The following GPR139 variants were observed in gnomAD, a reference collection of about 807,000 sequenced individuals.
GPR139 encodes the protein G protein-coupled receptor 139, also known as probable G protein-coupled receptor 139.
GPR139 carries 12 observed loss-of-function variants against 25.8 expected under a neutral mutation model. The ratio of observed to expected loss-of-function variants is 0.47; its 90% confidence interval spans 0.30 to 0.75. GPR139 has a LOEUF of 0.75. GPR139 is among the 30% of genes least tolerant of loss of function. The pLI is 0.07. For synonymous variants in GPR139, 184 were observed against 179.9 expected, an observed-to-expected ratio of 1.02 and a Z score of -0.18; for missense variants, 380 against 450.2, an observed-to-expected ratio of 0.84 and a Z score of 1.41.
At chr16:20,060,471 C>CTG (rs1453720613) in intron 1 of GPR139, among the ~76,000 whole-genome samples, 1 of 151,500 alleles carries the variant, frequency 6.6e-6, no homozygotes, top group South Asian at 2.1e-4. Context: ...GTATGCACGC[C>CTG]TGTGTGTGTG....
intron 1 of GPR139, among the ~76,000 whole-genome samples, chr16:20,049,145 C>T (rs542550062): frequency 6.6e-6 from 1 of 152,172 alleles, no homozygotes; most frequent in Non-Finnish European, 1.5e-5. Context: ...TACTCTAAAC[C>T]TTGAGGACTT....
Position 20,031,863 on chromosome 16 carries a change from G to C in GPR139, c.934C>G (p.Gln312Glu). The change falls in exon 2 of 2, where the codon CAG becomes GAG. Residue 312 changes from glutamine to glutamate, a missense_variant. Coordinates refer to ENST00000570682, the MANE Select transcript of GPR139 (RefSeq NM_001002911.4). ...AFFKCQKQPVQFYTNHNFSIT... is the reference protein window; with the variant it reads ...AFFKCQKQPVEFYTNHNFSIT... ...GAAAAGTTATGATTGGTGTAGAACT[G>C]TACAGGTTGCTTCTGGCACTTGAAG... 7 of 1,614,116 alleles carry C rather than the reference G, an allele frequency of 4.3e-6. No homozygotes were observed. The highest frequency in any genetic ancestry group is 5.1e-6 in the Non-Finnish European group (6 of 1,180,006).
chr16:20,073,423 G>A lies in GPR139; in HGVS notation c.127+67C>T. ...AGGGAACGCACGGGGGAGGACGGGG[G>A]ATTCTGGGTAGGGTTGCCCGGCACT... On this transcript the variant is annotated intron_variant, in intron 1 of 1. Transcript: ENST00000570682. The surrounding 1 kb of genome is among the most constrained non-coding windows in gnomAD (Gnocchi z 4.7). 1 of 1,575,078 alleles carries A rather than the reference G, an allele frequency of 6.3e-7. No individual in the cohort carries two copies. The highest frequency in any genetic ancestry group is 8.6e-7 in the Non-Finnish European group (1 of 1,160,446).
chr16:20,051,203 T>A (rs1230913839), intron 1 of GPR139, among the ~76,000 whole-genome samples: 2 of 152,132 alleles, frequency 1.3e-5, no homozygotes, highest in East Asian at 3.9e-4. Context: ...AGTGAAACTC[T>A]CAAATAGGGA....
intron 1 of GPR139, among the ~76,000 whole-genome samples, chr16:20,060,746 A>T (rs1381535415): frequency 6.6e-6 from 1 of 152,064 alleles, no homozygotes; most frequent in Non-Finnish European, 1.5e-5. Context: ...ATCTGGCACC[A>T]TGCATCCCCC....
intron 1 of GPR139, among the ~76,000 whole-genome samples, chr16:20,060,893 C>T (rs1462804867): frequency 6.6e-6 from 1 of 152,152 alleles, no homozygotes; most frequent in East Asian, 1.9e-4. Context: ...CTTCCATGTC[C>T]TTCAGATTTC....
At chr16:20,047,120 G>GT (rs1413594419) in intron 1 of GPR139, among the ~76,000 whole-genome samples, 16 of 127,190 alleles carry the variant, frequency 1.3e-4, no homozygotes, top group South Asian at 5.2e-4. Flanking sequence ...TTTTTTTTTT[G>GT]TTTTTTTTGA....
rs200598879 is a variant in GPR139, at chr16:20,032,077, A to C, written c.720T>G (p.Leu240=). Residue 240 remains leucine (L), a synonymous_variant, in exon 2 of 2, where the codon CTT becomes CTG. Transcript: ENST00000570682. Reference sequence around the variant, plus strand: ...GAATCATGATGATGCGGGGGGCCCAAAGTGTGGCAAAGATGGAGGTAATGG... The same window carrying C: ...GAATCATGATGATGCGGGGGGCCCACAGTGTGGCAAAGATGGAGGTAATGG... The part of the protein sequence containing the change: ...LFTITSIFAT[L]WAPRIIMILY... 1 of 1,614,060 alleles carries C rather than the reference A, an allele frequency of 6.2e-7. No individual in the cohort carries two copies. Among genetic ancestry groups the C allele is most frequent in the African/African-American group, 1.3e-5 (1 of 74,920 alleles).
chr16:20,050,638 G>A (rs2057368602), intron 1 of GPR139, among the ~76,000 whole-genome samples: 1 of 152,178 alleles, frequency 6.6e-6, no homozygotes, highest in Non-Finnish European at 1.5e-5. Context: ...GGGAGGCCTG[G>A]CTGGAGACAA....
intron 1 of GPR139, among the ~76,000 whole-genome samples, chr16:20,048,591 A>G (rs1035358687): frequency 1.3e-5 from 2 of 152,230 alleles, no homozygotes; most frequent in Non-Finnish European, 2.9e-5. Flanking sequence ...TGAGCAGGAT[A>G]TCGCATGCCC....
rs1325762073 is a variant in GPR139 at position 20,073,696 on chromosome 16, G to A, written c.-80C>T. On this transcript the variant is annotated 5_prime_UTR_variant, in exon 1 of 2. Coordinates refer to ENST00000570682, the MANE Select transcript of GPR139 (RefSeq NM_001002911.4). The surrounding 1 kb of genome is among the most constrained non-coding windows in gnomAD (Gnocchi z 4.7). ...TGGTCGCCGGCTCGGTGGTGGCGGC[G>A]GCGGAGGCAGCGGCAGCTGGAGCAG... 6.8e-7 allele frequency: 1 copy of A among 1,464,516 alleles called. No homozygotes were observed. Among genetic ancestry groups the A allele is most frequent in the Non-Finnish European group, 9.0e-7 (1 of 1,108,830 alleles). The allele number at this position is 1,464,516 out of a possible 1,614,324, so 90.7% of individuals were successfully genotyped here.
chr16:20,057,483 G>A (rs936984410), intron 1 of GPR139, among the ~76,000 whole-genome samples: 4 of 151,962 alleles, frequency 2.6e-5, no homozygotes, highest in Non-Finnish European at 4.4e-5. Flanking sequence ...ATGGGATTAA[G>A]AAGGTAGTCA....
At position 20,073,290 on chromosome 16, in the gene GPR139, G is replaced by A. The variant is rs75191200; in HGVS notation, c.127+200C>T. Among the ~76,000 whole-genome samples the A allele has an allele frequency of 2.0e-5, 3 of 149,944 alleles. No homozygotes were observed. The highest frequency in any genetic ancestry group is 4.4e-5 in the Non-Finnish European group (3 of 67,424). ...CACACACACACACACGCTCGCGCGCGCACACACACACACACGGTCCCCAGC... is the reference window on the plus strand; with the variant it reads ...CACACACACACACACGCTCGCGCGCACACACACACACACACGGTCCCCAGC... On this transcript the variant is annotated intron_variant, in intron 1 of 1. Transcript: ENST00000570682. This position sits in a 1 kb window ranked among gnomAD's most constrained non-coding sequence, Gnocchi z 4.7.
At position 20,058,635 on chromosome 16, in the gene GPR139, C is replaced by T. The variant is rs146207995; in HGVS notation, c.127+14855G>A. ...GGAATCTCCACCTTGGACTTGGGGT[C>T]ATTATTCCCTTTTCCCTGCTAGACA... On this transcript the variant is annotated intron_variant, in intron 1 of 1. Coordinates refer to ENST00000570682, the MANE Select transcript of GPR139 (RefSeq NM_001002911.4). 1.2e-3 allele frequency among the ~76,000 whole-genome samples: 184 copies of T among 152,296 alleles called. 1 individual carries two copies. The highest frequency in any genetic ancestry group is 4.1e-3 in the African/African-American group (172 of 41,576).
chr16:20,064,937 A>C (rs2057426032), intron 1 of GPR139, among the ~76,000 whole-genome samples: 3 of 152,188 alleles, frequency 2.0e-5, no homozygotes, highest in African/African-American at 7.2e-5. Flanking sequence ...GGAGCTCTTT[A>C]TTCCAGCTTA....
chr16:20,032,082 T>C lies in GPR139; in HGVS notation c.715A>G (p.Thr239Ala), dbSNP rs143674735. The C allele has an allele frequency of 7.5e-4, 1,218 of 1,614,130 alleles. 5 individuals are homozygous for C. Among genetic ancestry groups the C allele is most frequent in the South Asian group, 3.7e-3 (339 of 91,076 alleles). ...ATGATGATGCGGGGGGCCCAAAGTGTGGCAAAGATGGAGGTAATGGTGAAC... is the reference window on the plus strand; with the variant it reads ...ATGATGATGCGGGGGGCCCAAAGTGCGGCAAAGATGGAGGTAATGGTGAAC... ...ILFTITSIFA[T>A]LWAPRIIMIL... is the part of the protein sequence containing the mutation. The change falls in exon 2 of 2, where the codon ACA becomes GCA. Residue 239 changes from threonine (T) to alanine (A), a missense_variant. Transcript: ENST00000570682.
intron 1 of GPR139, among the ~76,000 whole-genome samples, chr16:20,072,906 T>C (rs558882968): frequency 5.1e-4 from 77 of 152,274 alleles, no homozygotes; most frequent in African/African-American, 1.6e-3. Flanking sequence ...AGCCAACCCC[T>C]GATTCTCCTT....
intron 1 of GPR139, among the ~76,000 whole-genome samples, chr16:20,069,421 CAT>C (rs2057450951): frequency 6.6e-6 from 1 of 152,182 alleles, no homozygotes; most frequent in Non-Finnish European, 1.5e-5. Flanking sequence ...GTAAAGAAAA[CAT>C]ATCTGCAGGC....
intron 1 of GPR139, among the ~76,000 whole-genome samples, chr16:20,070,051 A>C (rs1335023399): frequency 1.3e-5 from 2 of 152,236 alleles, no homozygotes; most frequent in Non-Finnish European, 2.9e-5. Flanking sequence ...GTTAGTTCAA[A>C]CAACTGCCTG....
Sources: allele counts gnomAD v4.1 joint callset (sites outside exome capture counted in the v4.1 genomes callset), GRCh38; gene constraint gnomAD v4.1.1; non-coding constraint Gnocchi (gnomAD v3.1); transcripts MANE v1.5; gene names NCBI Gene and HGNC (gene_info 2026-07-23, HGNC 2026-07-21).